Variants in WASF3 observed in about 807,000 individuals in gnomAD.
WASF3 encodes the protein WASP family member 3, also known as actin-binding protein WASF3.
Under a neutral mutation model 46.6 loss-of-function variants are expected in WASF3, and 11 were observed. The observed-to-expected ratio is 0.24, with a 90% CI of 0.15 to 0.39. WASF3 has a LOEUF of 0.39. WASF3 is among the 10% of genes least tolerant of loss of function. The probability of loss-of-function intolerance (pLI) is 1.00; values close to 1 mark genes in which losing one functional copy is unlikely to be tolerated. For missense variants in WASF3, 576 were observed against 669.8 expected, an observed-to-expected ratio of 0.86 and a Z score of 1.55; for synonymous variants, 242 against 259.7, an observed-to-expected ratio of 0.93 and a Z score of 0.65.
intron 6 of WASF3, among the ~76,000 whole-genome samples, chr13:26,675,481 T>TAC (rs56162218): frequency 0.029 from 4,191 of 145,650 alleles, 184 homozygotes; most frequent in African/African-American, 0.098. Context: ...TAGACACACA[T>TAC]ACACACACAC....
the WASF3 span, among the ~76,000 whole-genome samples, chr13:26,544,167 C>T: frequency 6.6e-6 from 1 of 152,162 alleles, no homozygotes; most frequent in Non-Finnish European, 1.5e-5. Flanking sequence ...ATTTAGTTTT[C>T]AAGAGGGTGA....
chr13:26,683,552 T>G (rs2137521377), intron 9 of WASF3, among the ~76,000 whole-genome samples: 1 of 152,118 alleles, frequency 6.6e-6, no homozygotes, highest in South Asian at 2.1e-4. Flanking sequence ...AGTGATCGAT[T>G]AATTAATTGG....
rs919935408 is a variant in WASF3 at position 26,679,591 on chromosome 13, T to C, written c.717-1463T>C. On this transcript the variant is annotated intron_variant, in intron 7 of 9. Coordinates refer to ENST00000335327, the MANE Select transcript of WASF3 (RefSeq NM_006646.6). This position sits in a 1 kb window ranked among gnomAD's most constrained non-coding sequence, Gnocchi z 4.8. The stretch of plus-strand genomic sequence containing the variant: ...TGTTTGGCTGGAGAACTCTGTTTCC[T>C]TTAAAAGGTTGCACTGTAAGCCAGT... Among the ~76,000 whole-genome samples, 6 of 152,202 alleles carry C rather than the reference T, an allele frequency of 3.9e-5. No individual in the cohort carries two copies. The highest frequency in any genetic ancestry group is 2.6e-4 in the Admixed American group (4 of 15,278).
At chr13:26,615,500 G>A (rs1211412135) in intron 2 of WASF3, among the ~76,000 whole-genome samples, 1 of 151,938 alleles carries the variant, frequency 6.6e-6, no homozygotes, top group Non-Finnish European at 1.5e-5. Context: ...ATAGAGACAG[G>A]GTTTCACCAT....
chr13:26,592,892 C>A (rs1224078228), intron 1 of WASF3, among the ~76,000 whole-genome samples: 1 of 152,038 alleles, frequency 6.6e-6, no homozygotes, highest in African/African-American at 2.4e-5. Context: ...TTTCTAAGGT[C>A]ATTTCTGTAA....
At chr13:26,619,910 T>G (rs559421218) in intron 2 of WASF3, among the ~76,000 whole-genome samples, 1 of 152,258 alleles carries the variant, frequency 6.6e-6, no homozygotes, top group African/African-American at 2.4e-5. Context: ...AACTTTCCCC[T>G]CCTTGGCTGC....
chr13:26,680,415 A>G (rs1566073920), intron 7 of WASF3, among the ~76,000 whole-genome samples: 3 of 152,086 alleles, frequency 2.0e-5, no homozygotes, highest in Non-Finnish European at 4.4e-5. Flanking sequence ...CCTGCACCCC[A>G]TGTCTCAGCT....
In WASF3 at chr13:26,685,821, C is replaced by T. The variant is rs757100402; in HGVS notation, c.1485C>T (p.Phe495=). 3.7e-5 allele frequency: 59 copies of T among 1,613,800 alleles called. No homozygotes were observed. Among genetic ancestry groups the T allele is most frequent in the African/African-American group, 5.3e-5 (4 of 75,030 alleles). Residue 495 remains phenylalanine, a synonymous_variant, in exon 10 of 10, where the codon TTC becomes TTT. Transcript: ENST00000335327. ...GCGACTCTGACGACGACTCAGAGTT[C>T]GACGAGAACGACTGGTCCGACTGAG... The part of the protein sequence containing the change: ...EYSDSDDDSE[F]DENDWSD
At chr13:26,540,678 C>A in the WASF3 span, among the ~76,000 whole-genome samples, 3 of 152,334 alleles carry the variant, frequency 2.0e-5, no homozygotes, top group Non-Finnish European at 1.5e-5. Context: ...GGCCCCTTGC[C>A]AAGACCATGT....
At chr13:26,621,416 A>G (rs933415225) in intron 2 of WASF3, among the ~76,000 whole-genome samples, 17 of 152,176 alleles carry the variant, frequency 1.1e-4, no homozygotes, top group African/African-American at 4.1e-4. Flanking sequence ...AGCTGGAGGG[A>G]ACCCAAGAGA....
At chr13:26,566,571 G>A (rs140587850) in intron 1 of WASF3, among the ~76,000 whole-genome samples, 1 of 152,232 alleles carries the variant, frequency 6.6e-6, no homozygotes, top group Non-Finnish European at 1.5e-5. Context: ...TGTTGGGGTC[G>A]TCATGGGTTA....
chr13:26,595,744 A>G (rs920189664), intron 1 of WASF3, among the ~76,000 whole-genome samples: 2 of 152,176 alleles, frequency 1.3e-5, no homozygotes, highest in South Asian at 2.1e-4. Context: ...ATGAAATCAT[A>G]CCATATTTAA....
At chr13:26,684,493 A>T (rs1883341964) in intron 9 of WASF3, among the ~76,000 whole-genome samples, 1 of 152,218 alleles carries the variant, frequency 6.6e-6, no homozygotes, top group Admixed American at 6.5e-5. Flanking sequence ...GTCACGGATA[A>T]TTTCCACTGG....
intron 7 of WASF3, chr13:26,680,087 A>G: frequency 6.3e-7 from 1 of 1,598,120 alleles, no homozygotes; most frequent in Non-Finnish European, 8.5e-7. Context: ...AATGTGAGAA[A>G]AGTCAGAACA....
chr13:26,631,224 A>T (rs1243272985), intron 2 of WASF3, among the ~76,000 whole-genome samples: 1 of 152,032 alleles, frequency 6.6e-6, no homozygotes, highest in African/African-American at 2.4e-5. Context: ...ACAGGGACTC[A>T]TGGAGTCCTG....
intron 1 of WASF3, among the ~76,000 whole-genome samples, chr13:26,607,118 T>C (rs1880823375): frequency 6.6e-6 from 1 of 152,178 alleles, no homozygotes; most frequent in Admixed American, 6.5e-5. Context: ...ATCCGCAGTT[T>C]TAGGCATCTG....
At position 26,682,310 on chromosome 13, in the gene WASF3, C is replaced by T. The variant is rs1265153833; in HGVS notation, c.984-297C>T. Among the ~76,000 whole-genome samples, 6 of 152,196 alleles carry T rather than the reference C, an allele frequency of 3.9e-5. No individual in the cohort carries two copies. Among genetic ancestry groups the T allele is most frequent in the Admixed American group, 3.3e-4 (5 of 15,282 alleles). ...AGTGTGAAGCCTTCACTGGCGCTGC[C>T]GTCCTGGCCTCTGCAGTCAGCTGCT... On this transcript the variant is annotated intron_variant, in intron 8 of 9. Transcript: ENST00000335327. The surrounding 1 kb of genome is among the most constrained non-coding windows in gnomAD (Gnocchi z 4.4).
intron 3 of WASF3, among the ~76,000 whole-genome samples, chr13:26,652,874 A>G (rs1244097091): frequency 1.3e-5 from 2 of 148,736 alleles, no homozygotes; most frequent in Non-Finnish European, 3.0e-5. Context: ...ATGTTAGAAA[A>G]GAAGAAAGGT....
chr13:26,570,431 C>T (rs1204308206), intron 1 of WASF3, among the ~76,000 whole-genome samples: 1 of 152,080 alleles, frequency 6.6e-6, no homozygotes, highest in Non-Finnish European at 1.5e-5. Context: ...TTGACTGTGT[C>T]CTTTCTCCCT....
Sources: gnomAD v4.1 joint callset for allele counts (sites outside exome capture counted in the v4.1 genomes callset) on GRCh38, gnomAD v4.1.1 for gene constraint, Gnocchi (gnomAD v3.1) non-coding constraint, MANE v1.5 for transcripts, NCBI Gene and HGNC (gene_info 2026-07-23, HGNC 2026-07-21) for gene names.